Variants in MMS22L observed in about 807,000 individuals in gnomAD.
The protein encoded by MMS22L is MMS22 like, DNA repair protein.
A neutral mutation model predicts 159.1 loss-of-function variants in MMS22L; 74 were observed. The ratio of observed to expected loss-of-function variants is 0.47; its 90% CI spans 0.39 to 0.56. The LOEUF (loss-of-function observed/expected upper bound fraction) is 0.56, where lower values mean the gene tolerates loss of function less well. Ranked by LOEUF, MMS22L falls within the 20% of genes least tolerant of loss-of-function variation. The pLI is 0.00. For synonymous variants in MMS22L, 517 were observed against 506.9 expected, an observed-to-expected ratio of 1.02 and a Z score of -0.27; for missense variants, 1,351 against 1,422.1, an observed-to-expected ratio of 0.95 and a Z score of 0.80.
At chr6:97,226,552 C>G (rs1810269776) in intron 14 of MMS22L, among the ~76,000 whole-genome samples, 2 of 152,068 alleles carry the variant, frequency 1.3e-5, no homozygotes, top group African/African-American at 4.8e-5. Context: ...CGAGATGGCG[C>G]CACTGCACTC....
rs1192569688 is a variant in MMS22L at position 97,144,997 on chromosome 6, T to TA, written c.*1808dup. ...GGAGCAAGATTCTCAAAGGTATCTT[T>TA]ATCAATCTCCTTTGGAAAAAAAAAA... is the stretch of plus-strand genomic sequence containing the variant. On this transcript the variant is annotated 3_prime_UTR_variant, in exon 25 of 25. Transcript: ENST00000683635. 6.8e-6 allele frequency: 1 copy of TA among 147,666 alleles called. No homozygotes were observed. The highest frequency in any genetic ancestry group is 1.5e-5 in the Non-Finnish European group (1 of 67,484). The allele number at this position is 147,666 out of a possible 1,614,324, so 9.1% of individuals were successfully genotyped here.
At chr6:97,184,366 T>A (rs533713785) in intron 15 of MMS22L, among the ~76,000 whole-genome samples, 2 of 152,136 alleles carry the variant, frequency 1.3e-5, no homozygotes, top group Non-Finnish European at 2.9e-5. Flanking sequence ...TCCAGTTTCA[T>A]GGTTTTAAAG....
rs1368579761 is a variant in MMS22L, at chr6:97,151,794, G to A, written c.3459C>T (p.Ser1153=). ...ACCTAAACACAGAAGTCAGCTGGGA[G>A]GAAGGTTCTTCTTCTGACCCCACTT... ...ACQVGSEEEP[S]SQLTSVFRQF... The change falls in exon 23 of 25, where the codon TCC becomes TCT. Residue 1153 remains serine (S), a synonymous_variant. Transcript: ENST00000683635. The A allele has an allele frequency of 1.9e-6, 3 of 1,613,644 alleles. No individual in the cohort carries two copies. In the East Asian group the frequency reaches 6.7e-5, roughly 36 times the overall value.
In MMS22L at chr6:97,282,388, A is replaced by G. The variant is rs1299399728; in HGVS notation, c.90T>C (p.Ser30=). 2 of 1,614,164 alleles carry G rather than the reference A, an allele frequency of 1.2e-6. No homozygotes were observed. The highest frequency in any genetic ancestry group is 2.2e-5 in the South Asian group (2 of 91,082). The stretch of plus-strand genomic sequence containing the variant: ...CTCCTCCTCTGTTGTCAACAGCACA[A>G]GAAAAGTAAGGAGGTTTGCACCATT... ...GTEWCKPPYF[S]CAVDNRGGGK... Residue 30 remains serine (S), a synonymous_variant, in exon 2 of 25, where the codon TCT becomes TCC. Coordinates refer to ENST00000683635, the MANE Select transcript of MMS22L (RefSeq NM_001350599.2).
chr6:97,225,787 T>C (rs1354089682), intron 14 of MMS22L, among the ~76,000 whole-genome samples: 1 of 152,138 alleles, frequency 6.6e-6, no homozygotes, highest in African/African-American at 2.4e-5. Flanking sequence ...TTAGCCAGGA[T>C]GGTCTCATCT....
intron 19 of MMS22L, among the ~76,000 whole-genome samples, chr6:97,170,957 G>GA: frequency 6.6e-6 from 1 of 152,224 alleles, no homozygotes; most frequent in East Asian, 1.9e-4. Context: ...GGTGAGCTGA[G>GA]ATCACGTCAC....
At position 97,173,172 on chromosome 6, in the gene MMS22L, G is replaced by C; in HGVS notation, c.2730C>G (p.Ala910=). Residue 910 remains alanine, a synonymous_variant, in exon 19 of 25, where the codon GCC becomes GCG. Transcript: ENST00000683635. ...GNVQTLSDKS[A]MVTKSLEYLG... ...GGTATTCCAAGGACTTTGTGACCAT[G>C]GCAGATTTATCAGAAAGTGTCTGGA... 6.2e-7 allele frequency: 1 copy of C among 1,613,524 alleles called. No homozygotes were observed. Among genetic ancestry groups the C allele is most frequent in the African/African-American group, 1.3e-5 (1 of 74,968 alleles).
intron 3 of MMS22L, 111 bp downstream of exon 3, chr6:97,281,126 C>T: frequency 9.6e-7 from 1 of 1,046,816 alleles, no homozygotes; most frequent in Non-Finnish European, 1.3e-6. Context: ...AGTGAGCAAC[C>T]AGCACAATTC....
Position 97,269,917 on chromosome 6 carries a change from G to C in MMS22L, c.682C>G (p.Leu228Val). ...ATAAACTTACTCAATTTTTCACCCAGCATGTAAAGAATTTCTAGCACCAGC... is the reference window on the plus strand; with the variant it reads ...ATAAACTTACTCAATTTTTCACCCACCATGTAAAGAATTTCTAGCACCAGC... The part of the protein sequence containing the change: ...HWLVLEILYM[L>V]GEKLKQVVYG... The change falls in exon 7 of 25, where the codon CTG becomes GTG. Residue 228 changes from leucine to valine, a missense_variant. Transcript: ENST00000683635. 2 of 1,608,392 alleles carry C rather than the reference G, an allele frequency of 1.2e-6. No individual in the cohort carries two copies. The highest frequency in any genetic ancestry group is 1.7e-6 in the Non-Finnish European group (2 of 1,176,628).
intron 11 of MMS22L, among the ~76,000 whole-genome samples, chr6:97,239,956 ATTT>A (rs1325582034): frequency 1.3e-5 from 2 of 152,222 alleles, no homozygotes; most frequent in African/African-American, 4.8e-5. Flanking sequence ...GTGTACACTA[ATTT>A]TATTTGAAGG....
chr6:97,225,572 G>GTTTTTTTTTTTTTTTTTTTTTTT (rs202185434), intron 14 of MMS22L, among the ~76,000 whole-genome samples: 1 of 142,060 alleles, frequency 7.0e-6, no homozygotes, highest in African/African-American at 2.6e-5. Context: ...TGGTCTCGAA[G>GTTTTTTTTTTTTTTTTTTTTTTT]TTTTTTTTTT....
At chr6:97,149,552 T>A (rs1202263419) in intron 24 of MMS22L, among the ~76,000 whole-genome samples, 1 of 152,154 alleles carries the variant, frequency 6.6e-6, no homozygotes, top group Non-Finnish European at 1.5e-5. Flanking sequence ...CACTTCCCAA[T>A]GAGGAACACT....
chr6:97,157,370 T>C (rs538534190), intron 22 of MMS22L, among the ~76,000 whole-genome samples: 65 of 152,296 alleles, frequency 4.3e-4, no homozygotes, highest in Non-Finnish European at 8.7e-4. Flanking sequence ...AGAGGAGTGA[T>C]GAGAGAGGGT....
At chr6:97,258,917 T>C (rs1009151340) in intron 9 of MMS22L, 2 of 152,200 alleles carry the variant, frequency 1.3e-5, no homozygotes, top group Non-Finnish European at 1.5e-5. Context: ...TTATATTCCA[T>C]TGAGTGCACC....
intron 14 of MMS22L, among the ~76,000 whole-genome samples, chr6:97,206,660 T>C (rs922338980): frequency 2.0e-5 from 3 of 152,100 alleles, no homozygotes; most frequent in Non-Finnish European, 4.4e-5. Flanking sequence ...AAAGACTTTT[T>C]TGTTAAAAAG....
chr6:97,165,832 C>G (rs944179664), intron 20 of MMS22L, among the ~76,000 whole-genome samples: 23 of 152,152 alleles, frequency 1.5e-4, no homozygotes, highest in South Asian at 1.2e-3. Flanking sequence ...TTTCTAGGTA[C>G]TGGTTATTTT....
intron 11 of MMS22L, among the ~76,000 whole-genome samples, chr6:97,244,881 G>T (rs1211578207): frequency 5.9e-5 from 9 of 152,182 alleles, no homozygotes; most frequent in South Asian, 2.1e-4. Flanking sequence ...CTGTGGAGTG[G>T]GTATGGGCGG....
At chr6:97,220,240 T>G (rs1582668137) in intron 14 of MMS22L, among the ~76,000 whole-genome samples, 1 of 152,138 alleles carries the variant, frequency 6.6e-6, no homozygotes, top group East Asian at 1.9e-4. Context: ...AGTAGCTCCA[T>G]CTGACTAAAG....
intron 11 of MMS22L, among the ~76,000 whole-genome samples, chr6:97,244,786 A>C (rs1308844460): frequency 6.6e-6 from 1 of 152,148 alleles, no homozygotes; most frequent in Non-Finnish European, 1.5e-5. Context: ...GTCCCTCTAG[A>C]GAACCCTAAT....
Sources: gnomAD v4.1 joint callset for allele counts (sites outside exome capture counted in the v4.1 genomes callset) on GRCh38, gnomAD v4.1.1 for gene constraint, MANE v1.5 for transcripts, NCBI Gene and HGNC (gene_info 2026-07-23, HGNC 2026-07-21) for gene names.